PTGER3: variants seen among roughly 807,000 people sequenced by gnomAD.
PTGER3 encodes prostaglandin E2 receptor EP3 subtype.
PTGER3 carries 22 observed loss-of-function variants against 34.7 expected under a neutral mutation model. That is an observed-to-expected ratio of 0.63 (90% confidence interval 0.45 to 0.91). The LOEUF is 0.91. PTGER3 is among the 40% of genes least tolerant of loss of function. PTGER3 has a pLI of 0.00. For missense variants in PTGER3, 468 were observed against 519.4 expected (o/e 0.90, Z 0.96); for synonymous variants, 241 against 230.1 (o/e 1.05, Z -0.43).
chr1:70,970,155 C>G (rs988246652), downstream of PTGER3, among the ~76,000 whole-genome samples: 10 of 152,100 alleles, frequency 6.6e-5, no homozygotes, highest in African/African-American at 2.4e-4. Context: ...AAACTTGAAC[C>G]TGAATTTGAA....
In PTGER3 at chr1:70,862,519, A is replaced by G. The variant is rs573393519; in HGVS notation, c.*24-9660T>C. On this transcript the variant is annotated intron_variant, in intron 4 of 4. Transcript: ENST00000370931. ...GTGAACTATAGGGAATTAAGGGAGGACAGGGGAGAGTCTCATGGCTTTGAC... is the reference window on the plus strand; with the variant it reads ...GTGAACTATAGGGAATTAAGGGAGGGCAGGGGAGAGTCTCATGGCTTTGAC... The G allele has an allele frequency of 1.0e-3, 533 of 509,562 alleles. 2 individuals are homozygous for G. Among genetic ancestry groups the G allele is most frequent in the Non-Finnish European group, 1.8e-3 (499 of 279,852 alleles). The allele number at this position is 509,562 out of a possible 1,614,324, so 31.6% of individuals were successfully genotyped here.
At chr1:70,881,105 A>T (rs1646381877) in intron 4 of PTGER3, among the ~76,000 whole-genome samples, 1 of 152,094 alleles carries the variant, frequency 6.6e-6, no homozygotes, top group Non-Finnish European at 1.5e-5. Flanking sequence ...GGTTTTATCC[A>T]TTCTTTATTG....
chr1:71,008,239 A>C, intron 2 of PTGER3: 1 of 932,928 alleles, frequency 1.1e-6, no homozygotes, highest in Non-Finnish European at 1.3e-6. Flanking sequence ...CATGAAACTG[A>C]TTGATACAAA....
chr1:70,861,936 G>A (rs1645936753), intron 4 of PTGER3, among the ~76,000 whole-genome samples: 1 of 151,538 alleles, frequency 6.6e-6, no homozygotes. Flanking sequence ...TTGGAGCTCA[G>A]GATAGACTAG....
downstream of PTGER3, among the ~76,000 whole-genome samples, chr1:70,952,260 T>A (rs1450483839): frequency 9.0e-6 from 1 of 110,896 alleles, no homozygotes; most frequent in African/African-American, 3.3e-5. Context: ...AGATGAGAAA[T>A]GGCCTGAAAG....
chr1:71,015,532 T>A (rs988279964), intron 1 of PTGER3, among the ~76,000 whole-genome samples: 1 of 152,202 alleles, frequency 6.6e-6, no homozygotes, highest in African/African-American at 2.4e-5. Context: ...TAATTGTCTA[T>A]ATTAGTTTGA....
At chr1:71,002,609 T>A (rs1656591561) in intron 2 of PTGER3, among the ~76,000 whole-genome samples, 2 of 152,234 alleles carry the variant, frequency 1.3e-5, no homozygotes. Flanking sequence ...AAAACGGTCA[T>A]GGTGTGAGAA....
chr1:70,978,549 T>G (rs1324171652), intron 2 of PTGER3, among the ~76,000 whole-genome samples: 1 of 151,598 alleles, frequency 6.6e-6, no homozygotes, highest in Non-Finnish European at 1.5e-5. Context: ...ATCAGAGGAG[T>G]CTTTCCTGAT....
At chr1:71,002,859 T>TAAG (rs558505108) in intron 2 of PTGER3, among the ~76,000 whole-genome samples, 4 of 152,326 alleles carry the variant, frequency 2.6e-5, no homozygotes, top group African/African-American at 9.6e-5. Flanking sequence ...CTGGATCTCC[T>TAAG]AAGAAGAAGA....
chr1:70,986,670 AG>A (rs1654947085), intron 2 of PTGER3, among the ~76,000 whole-genome samples: 2 of 152,234 alleles, frequency 1.3e-5, no homozygotes, highest in East Asian at 3.8e-4. Flanking sequence ...CCCAAAGGGC[AG>A]GATCAGGACC....
At chr1:71,042,476 A>G (rs1660399070) in intron 1 of PTGER3, among the ~76,000 whole-genome samples, 1 of 152,050 alleles carries the variant, frequency 6.6e-6, no homozygotes, top group Non-Finnish European at 1.5e-5. Context: ...TTCTGAACAG[A>G]TTATAACATT....
chr1:70,931,441 C>A (rs1233440060), intron 4 of PTGER3, among the ~76,000 whole-genome samples: 2 of 152,226 alleles, frequency 1.3e-5, no homozygotes, highest in African/African-American at 4.8e-5. Context: ...GGGGCTCAGA[C>A]TCCACATTTC....
At chr1:71,001,917 A>G (rs1656528688) in intron 2 of PTGER3, among the ~76,000 whole-genome samples, 1 of 152,190 alleles carries the variant, frequency 6.6e-6, no homozygotes, top group Non-Finnish European at 1.5e-5. Context: ...TGTTCAATTA[A>G]TGAAATGAAT....
At chr1:70,991,317 A>G (rs1008989872) in intron 2 of PTGER3, among the ~76,000 whole-genome samples, 5 of 152,060 alleles carry the variant, frequency 3.3e-5, no homozygotes, top group African/African-American at 1.2e-4. Context: ...CTCTCTGCCC[A>G]CTATCCCCGA....
chr1:70,936,904 A>G (rs931708272), intron 4 of PTGER3, among the ~76,000 whole-genome samples: 3 of 152,186 alleles, frequency 2.0e-5, no homozygotes, highest in African/African-American at 4.8e-5. Context: ...TACTGTATCA[A>G]TTAAAATCCA....
At chr1:70,926,201 T>C (rs2100468656) in intron 4 of PTGER3, among the ~76,000 whole-genome samples, 1 of 152,344 alleles carries the variant, frequency 6.6e-6, no homozygotes, top group South Asian at 2.1e-4. Context: ...GAGTAGTTTT[T>C]TCCAATTCTG....
At chr1:70,974,079 A>T (rs1161284619) in intron 3 of PTGER3, among the ~76,000 whole-genome samples, 1 of 152,220 alleles carries the variant, frequency 6.6e-6, no homozygotes, top group Non-Finnish European at 1.5e-5. Flanking sequence ...TCACAAGATC[A>T]GACTCAAGCC....
intron 2 of PTGER3, among the ~76,000 whole-genome samples, chr1:70,955,307 T>C (rs971748104): frequency 5.9e-5 from 9 of 152,164 alleles, no homozygotes; most frequent in Non-Finnish European, 8.8e-5. Flanking sequence ...CATGACATAG[T>C]AGATATAAAG....
chr1:70,963,418 C>A (rs948050405), intron 2 of PTGER3, among the ~76,000 whole-genome samples: 5 of 152,182 alleles, frequency 3.3e-5, no homozygotes, highest in Admixed American at 6.5e-5. Flanking sequence ...CAGAGGCTCT[C>A]CATGAGGGCC....
Sources: allele counts gnomAD v4.1 joint callset (sites outside exome capture counted in the v4.1 genomes callset), GRCh38; gene constraint gnomAD v4.1.1; transcripts MANE v1.5; gene names NCBI Gene and HGNC (gene_info 2026-07-23, HGNC 2026-07-21).